CSGALNACT1: variants seen among roughly 807,000 people sequenced by gnomAD.
CSGALNACT1 encodes the protein beta4GalNAcT-1.
Under a neutral mutation model 51.0 loss-of-function variants are expected in CSGALNACT1, and 52 were observed. The observed-to-expected ratio is 1.02, with a 90% CI of 0.82 to 1.29. The LOEUF is 1.29. Ranked by LOEUF, CSGALNACT1 falls within the 50% of genes most tolerant of loss-of-function variation. The pLI, the probability that CSGALNACT1 is intolerant of heterozygous loss-of-function variation, is 0.00. For missense variants in CSGALNACT1, 935 were observed against 679.2 expected (o/e 1.38, Z -4.19); for synonymous variants, 341 against 254.4 (o/e 1.34, Z -3.24).
chr8:19,714,911 C>A (rs1242917019), intron 1 of CSGALNACT1, among the ~76,000 whole-genome samples: 1 of 152,152 alleles, frequency 6.6e-6, no homozygotes, highest in African/African-American at 2.4e-5. Context: ...TGATCCACAT[C>A]CTCCTTCCAT....
At chr8:19,603,622 T>A (rs753515771), upstream of CSGALNACT1, among the ~76,000 whole-genome samples, 1 of 152,118 alleles carries the variant, frequency 6.6e-6, no homozygotes. Context: ...AGGCCAAGAG[T>A]TGAAATAAGC....
chr8:19,406,101 C>G (rs907029196), intron 9 of CSGALNACT1, 32 bp from the exon 9 acceptor site: 1 of 1,613,334 alleles, frequency 6.2e-7, no homozygotes. Flanking sequence ...TTGAATCACA[C>G]TGCACTGATC....
intron 4 of CSGALNACT1, among the ~76,000 whole-genome samples, chr8:19,487,044 A>G (rs1039242637): frequency 2.0e-5 from 3 of 152,210 alleles, no homozygotes; most frequent in Non-Finnish European, 4.4e-5. Flanking sequence ...TTTGGGGAAG[A>G]AAGTTAACCT....
At chr8:19,754,954 G>C (rs1055592047) in intron 1 of CSGALNACT1, among the ~76,000 whole-genome samples, 1 of 152,126 alleles carries the variant, frequency 6.6e-6, no homozygotes, top group African/African-American at 2.4e-5. Flanking sequence ...CTAATATATA[G>C]TAGGGCTAAC....
intron 3 of CSGALNACT1, among the ~76,000 whole-genome samples, chr8:19,544,447 A>AT (rs2086006859): frequency 6.6e-6 from 1 of 152,266 alleles, no homozygotes; most frequent in South Asian, 2.1e-4. Context: ...TGACATTTTT[A>AT]TTTTTTTCTC....
intron 3 of CSGALNACT1, among the ~76,000 whole-genome samples, chr8:19,547,021 C>T (rs919312200): frequency 6.6e-6 from 1 of 152,180 alleles, no homozygotes; most frequent in African/African-American, 2.4e-5. Flanking sequence ...CCAGAAACAC[C>T]GTCTGAGAAC....
Position 19,659,160 on chromosome 8 carries a change from T to C in CSGALNACT1, c.-544+23313A>G, listed in dbSNP as rs763468104. Among the ~76,000 whole-genome samples the C allele has an allele frequency of 2.0e-5, 3 of 151,926 alleles. No individual in the cohort carries two copies. In the East Asian group the frequency reaches 5.8e-4, roughly 29 times the overall value. ...TTTGATGTACCATTAGAGGGATACATGTATTTTGGCCAAGTTTAATCAGGG... is the reference window on the plus strand; with the variant it reads ...TTTGATGTACCATTAGAGGGATACACGTATTTTGGCCAAGTTTAATCAGGG... On this transcript the variant is annotated intron_variant, in intron 1 of 9. Transcript: ENST00000332246.
chr8:19,488,461 C>A (rs1398761323), intron 4 of CSGALNACT1, among the ~76,000 whole-genome samples: 3 of 144,432 alleles, frequency 2.1e-5, no homozygotes, highest in Non-Finnish European at 4.5e-5. Flanking sequence ...CTTCACTGAA[C>A]AATGTTTACT....
At chr8:19,502,171 G>T (rs751662606) in intron 4 of CSGALNACT1, among the ~76,000 whole-genome samples, 3 of 152,226 alleles carry the variant, frequency 2.0e-5, no homozygotes, top group Non-Finnish European at 4.4e-5. Flanking sequence ...ATCCCAAAGG[G>T]GAGGTGGCTT....
chr8:19,673,513 C>G (rs1033446944), intron 1 of CSGALNACT1, among the ~76,000 whole-genome samples: 13 of 152,190 alleles, frequency 8.5e-5, no homozygotes, highest in African/African-American at 2.7e-4. Flanking sequence ...TGTTACACAC[C>G]ACTCTTGTCT....
At chr8:19,717,515 G>T (rs2062875455) in intron 1 of CSGALNACT1, among the ~76,000 whole-genome samples, 1 of 152,212 alleles carries the variant, frequency 6.6e-6, no homozygotes, top group South Asian at 2.1e-4. Context: ...TTTGACAAAT[G>T]CAATGAGTCA....
chr8:19,551,369 A>C (rs1262257425), intron 3 of CSGALNACT1, among the ~76,000 whole-genome samples: 1 of 152,140 alleles, frequency 6.6e-6, no homozygotes, highest in African/African-American at 2.4e-5. Context: ...ACAACAGCAC[A>C]TGCCCAAAGG....
At chr8:19,443,981 T>G (rs573858013) in intron 5 of CSGALNACT1, among the ~76,000 whole-genome samples, 10 of 152,288 alleles carry the variant, frequency 6.6e-5, no homozygotes, top group Admixed American at 3.3e-4. Flanking sequence ...CTAGATCCCT[T>G]ACATCTGCGG....
At chr8:19,743,894 G>T (rs1589793088) in intron 1 of CSGALNACT1, among the ~76,000 whole-genome samples, 1 of 151,816 alleles carries the variant, frequency 6.6e-6, no homozygotes, top group Admixed American at 6.6e-5. Flanking sequence ...TCTCTTAATG[G>T]CCCAATAGCA....
intron 1 of CSGALNACT1, among the ~76,000 whole-genome samples, chr8:19,694,543 G>A (rs574639462): frequency 4.6e-5 from 7 of 152,352 alleles, no homozygotes; most frequent in South Asian, 2.1e-4. Context: ...ACTGGCAAAC[G>A]CCATGGCTTT....
At chr8:19,600,232 C>G (rs2050111088) in intron 2 of CSGALNACT1, among the ~76,000 whole-genome samples, 1 of 152,100 alleles carries the variant, frequency 6.6e-6, no homozygotes, top group African/African-American at 2.4e-5. Context: ...CAGGTATGCA[C>G]CACCATGCCT....
chr8:19,664,385 T>C (rs944704829), intron 1 of CSGALNACT1, among the ~76,000 whole-genome samples: 1 of 152,128 alleles, frequency 6.6e-6, no homozygotes. Flanking sequence ...ATACTGCTGG[T>C]GGGAATGTAA....
chr8:19,685,748 A>T (rs1052099599), upstream of CSGALNACT1, among the ~76,000 whole-genome samples: 11 of 152,180 alleles, frequency 7.2e-5, no homozygotes, highest in Non-Finnish European at 5.9e-5. Flanking sequence ...CATATTCTGA[A>T]TCTGACAGGC....
intron 3 of CSGALNACT1, among the ~76,000 whole-genome samples, chr8:19,552,276 A>T (rs1171627811): frequency 1.3e-5 from 2 of 152,240 alleles, no homozygotes; most frequent in East Asian, 1.9e-4. Context: ...AAGAAAGTGG[A>T]CTTAAGATAT....
Sources: allele counts gnomAD v4.1 joint callset (sites outside exome capture counted in the v4.1 genomes callset), GRCh38; gene constraint gnomAD v4.1.1; transcripts MANE v1.5; gene names NCBI Gene and HGNC (gene_info 2026-07-23, HGNC 2026-07-21).